The following PCDHGA7 variants were observed in gnomAD, a reference collection of about 807,000 sequenced individuals.
The protein encoded by PCDHGA7 is protocadherin gamma-A7.
PCDHGA7 carries 44 observed loss-of-function variants against 58.3 expected under a neutral mutation model. The ratio of observed to expected loss-of-function variants is 0.75; its 90% CI spans 0.59 to 0.97. The LOEUF is 0.97. Among genes scored for constraint, PCDHGA7 ranks in the 50% least tolerant of loss-of-function variants. The pLI is 0.00. For missense variants in PCDHGA7, 1,266 were observed against 1,188.7 expected (o/e 1.06, Z -0.96); for synonymous variants, 516 against 504.2 (o/e 1.02, Z -0.31).
intron 1 of PCDHGA7, chr5:141,413,855 C>A: frequency 3.7e-6 from 6 of 1,613,324 alleles, no homozygotes; most frequent in Non-Finnish European, 5.1e-6. Flanking sequence ...CCTCTCCGAT[C>A]TGGCACTGTC....
At chr5:141,413,524 A>G (rs772774054) in intron 1 of PCDHGA7, 7 of 1,613,974 alleles carry the variant, frequency 4.3e-6, no homozygotes, top group Non-Finnish European at 5.9e-6. Flanking sequence ...TGTGGAAGAC[A>G]GGGTGAAACT....
At chr5:141,443,475 G>T (rs994058112) in intron 1 of PCDHGA7, among the ~76,000 whole-genome samples, 1 of 152,148 alleles carries the variant, frequency 6.6e-6, no homozygotes, top group African/African-American at 2.4e-5. Flanking sequence ...GACAGAATTA[G>T]ACCCTGTCCC....
At chr5:141,444,507 G>C (rs1213059531) in intron 1 of PCDHGA7, among the ~76,000 whole-genome samples, 1 of 152,068 alleles carries the variant, frequency 6.6e-6, no homozygotes, top group Non-Finnish European at 1.5e-5. Context: ...CTTTGCTCTA[G>C]CAGTATAGTA....
chr5:141,456,324 G>T (rs757059960), intron 1 of PCDHGA7, among the ~76,000 whole-genome samples: 15 of 152,166 alleles, frequency 9.9e-5, no homozygotes, highest in Non-Finnish European at 2.9e-5. Context: ...TCCTCCTGGG[G>T]TTGATCTAAG....
chr5:141,474,626 G>A (rs1006911535), intron 1 of PCDHGA7, among the ~76,000 whole-genome samples: 5 of 152,288 alleles, frequency 3.3e-5, no homozygotes, highest in African/African-American at 9.6e-5. Flanking sequence ...CATCTCTTCC[G>A]GAAATATCCT....
chr5:141,479,277 TC>T (rs2099491823), intron 1 of PCDHGA7: 1 of 152,362 alleles, frequency 6.6e-6, no homozygotes, highest in African/African-American at 2.4e-5. Flanking sequence ...ATAATTTATT[TC>T]AAAAATAAAT....
rs183952562 is a variant in PCDHGA7 at position 141,423,399 on chromosome 5, C to A, written c.2424+38076C>A. On this transcript the variant is annotated intron_variant, in intron 1 of 3. Transcript: ENST00000518325. ...GGCTGTGGCGCTGGCATAAGTCACG[C>A]CTGCTGCAGGCTTCTGAAGGCGGGT... 3.5e-5 allele frequency: 56 copies of A among 1,614,150 alleles called. No homozygotes were observed. The East Asian group carries it at 1.1e-3, about 33-fold the overall frequency.
chr5:141,469,476 G>A (rs2154570344), intron 1 of PCDHGA7, among the ~76,000 whole-genome samples: 1 of 152,246 alleles, frequency 6.6e-6, no homozygotes, highest in South Asian at 2.1e-4. Context: ...TCGGGAGGCT[G>A]AGGCAGGAGA....
chr5:141,453,620 A>G (rs2098770145), intron 1 of PCDHGA7, among the ~76,000 whole-genome samples: 1 of 152,196 alleles, frequency 6.6e-6, no homozygotes. Context: ...CAAAAACAAA[A>G]CCTATACATA....
chr5:141,507,632 G>A (rs551849213), intron 3 of PCDHGA7, among the ~76,000 whole-genome samples: 6 of 152,360 alleles, frequency 3.9e-5, no homozygotes, highest in Non-Finnish European at 7.3e-5. Flanking sequence ...GTGGCCTTGC[G>A]CCCTGAGGCC....
intron 1 of PCDHGA7, chr5:141,389,423 C>A (rs779826135): frequency 1.9e-6 from 3 of 1,613,398 alleles, no homozygotes; most frequent in Non-Finnish European, 8.5e-7. Context: ...GGGTGGTGTT[C>A]GCGCAGCGCG....
chr5:141,478,563 C>A, intron 1 of PCDHGA7: 2 of 1,596,270 alleles, frequency 1.3e-6, no homozygotes, highest in South Asian at 1.1e-5. Context: ...TTTAGCAAGT[C>A]ATGCTTGACC....
chr5:141,455,492 T>G (rs958076901), intron 1 of PCDHGA7, among the ~76,000 whole-genome samples: 10 of 152,188 alleles, frequency 6.6e-5, no homozygotes, highest in Non-Finnish European at 1.2e-4. Context: ...GGAGGTGATG[T>G]CTGATTTGCA....
At position 141,385,196 on chromosome 5, in the gene PCDHGA7, G is replaced by A. The variant is rs760255338; in HGVS notation, c.2297G>A (p.Ser766Asn). The change falls in exon 1 of 4, where the codon AGT (serine) becomes AAT (asparagine). Residue 766 changes from serine to asparagine, a missense_variant. By Grantham distance (46) the Ser-to-Asn change is conservative (BLOSUM62 1). Coordinates refer to ENST00000518325, the MANE Select transcript of PCDHGA7 (RefSeq NM_018920.4). ...EVSLTADSRK[S>N]HLIFPQPNYV... is the part of the protein sequence containing the mutation. ...TCCCTCACCGCGGACTCTCGGAAGA[G>A]TCACCTGATCTTCCCCCAGCCCAAC... The A allele has an allele frequency of 1.9e-6, 3 of 1,614,230 alleles. No individual in the cohort carries two copies. The highest frequency in any genetic ancestry group is 2.5e-6 in the Non-Finnish European group (3 of 1,180,050).
In PCDHGA7 at chr5:141,494,676, C is replaced by T. The variant is rs2099755997; in HGVS notation, c.2425-131C>T. On this transcript the variant is annotated intron_variant, in intron 1 of 3. Transcript: ENST00000518325. ...TTTGTCTTTGGAGATGAGTCCACCCCTGCCCCCTCTTAGTCCGTTTTCTTC... is the reference window on the plus strand; with the variant it reads ...TTTGTCTTTGGAGATGAGTCCACCCTTGCCCCCTCTTAGTCCGTTTTCTTC... 1.7e-5 allele frequency: 26 copies of T among 1,550,800 alleles called. No individual in the cohort carries two copies. In the South Asian group the frequency reaches 3.0e-4, roughly 18 times the overall value.
chr5:141,403,254 G>A (rs2094383546), intron 1 of PCDHGA7: 3 of 1,613,830 alleles, frequency 1.9e-6, no homozygotes, highest in Non-Finnish European at 2.5e-6. Flanking sequence ...CAGAGCCCGC[G>A]GTGTCTGGTG....
rs570029585 is a variant in PCDHGA7 at position 141,389,223 on chromosome 5, G to A, written c.2424+3900G>A. On this transcript the variant is annotated intron_variant, in intron 1 of 3. Coordinates refer to ENST00000518325, the MANE Select transcript of PCDHGA7 (RefSeq NM_018920.4). ...GCACATTGGTGATGTAAATGACAAC[G>A]CTCCGGTTTTCTCACAGTCTTCCTA... 5.0e-6 allele frequency: 8 copies of A among 1,613,994 alleles called. No homozygotes were observed. The African/African-American group carries it at 8.0e-5, about 16-fold the overall frequency.
rs773484841 is a variant in PCDHGA7 at position 141,432,092 on chromosome 5, A to G, written c.2424+46769A>G. 4.3e-6 allele frequency: 7 copies of G among 1,614,104 alleles called. No individual in the cohort carries two copies. The East Asian group carries it at 1.6e-4, about 36-fold the overall frequency. On this transcript the variant is annotated intron_variant, in intron 1 of 3. Transcript: ENST00000518325. The surrounding 1 kb of genome is among the most constrained non-coding windows in gnomAD (Gnocchi z 6.0). Reference sequence around the variant, plus strand: ...TCATATCTCGCTGAACGTGGCAGACACCAACGACAACCCGCCGGTCTTCCC... The same window carrying G: ...TCATATCTCGCTGAACGTGGCAGACGCCAACGACAACCCGCCGGTCTTCCC...
chr5:141,483,588 A>G (rs2099583207), intron 1 of PCDHGA7, among the ~76,000 whole-genome samples: 1 of 152,112 alleles, frequency 6.6e-6, no homozygotes, highest in African/African-American at 2.4e-5. Flanking sequence ...AACACCTAAT[A>G]GGTCAGGCTG....
Sources: allele counts gnomAD v4.1 joint callset (sites outside exome capture counted in the v4.1 genomes callset), GRCh38; gene constraint gnomAD v4.1.1; non-coding constraint Gnocchi (gnomAD v3.1); transcripts MANE v1.5; gene names NCBI Gene and HGNC (gene_info 2026-07-23, HGNC 2026-07-21).